The following OLFM3 variants were observed in gnomAD, a reference collection of about 807,000 sequenced individuals.
OLFM3 encodes olfactomedin 3.
A neutral mutation model predicts 48.6 loss-of-function variants in OLFM3; 20 were observed. That is an observed-to-expected ratio of 0.41 (90% CI 0.29 to 0.60). The LOEUF (loss-of-function observed/expected upper bound fraction) is 0.60. OLFM3 is among the 20% of genes least tolerant of loss of function. OLFM3 has a pLI of 0.28. For missense variants in OLFM3, 437 were observed against 544.3 expected (o/e 0.80, Z 1.96); for synonymous variants, 222 against 198.1 (o/e 1.12, Z -1.01).
chr1:101,852,160 C>G (rs566407790), intron 1 of OLFM3, among the ~76,000 whole-genome samples: 10 of 152,104 alleles, frequency 6.6e-5, no homozygotes, highest in Non-Finnish European at 1.3e-4. Context: ...AACAAACTTT[C>G]TTGATCTTAT....
At chr1:101,928,228 G>T (rs1659334331) in intron 1 of OLFM3, among the ~76,000 whole-genome samples, 1 of 152,078 alleles carries the variant, frequency 6.6e-6, no homozygotes. Context: ...CCACTGCCGT[G>T]GGAATACATG....
chr1:101,805,706 A>G (rs1383521189), intron 5 of OLFM3, among the ~76,000 whole-genome samples: 1 of 151,770 alleles, frequency 6.6e-6, no homozygotes, highest in Non-Finnish European at 1.5e-5. Flanking sequence ...CATACTAAAG[A>G]ACATATTTTA....
chr1:101,854,175 TG>T (rs1656330621), intron 1 of OLFM3, among the ~76,000 whole-genome samples: 1 of 150,214 alleles, frequency 6.7e-6, no homozygotes, highest in Non-Finnish European at 1.5e-5. Context: ...TAAAAAAAAA[TG>T]GTTTAGAGAA....
intron 1 of OLFM3, among the ~76,000 whole-genome samples, chr1:101,959,517 A>T (rs546841124): frequency 2.1e-4 from 32 of 152,148 alleles, no homozygotes; most frequent in Non-Finnish European, 3.7e-4. Context: ...GGCTTAAAAA[A>T]CATCTACAAC....
chr1:101,856,021 T>A (rs1656397185), intron 1 of OLFM3, among the ~76,000 whole-genome samples: 2 of 151,934 alleles, frequency 1.3e-5, no homozygotes, highest in Non-Finnish European at 2.9e-5. Context: ...ACCCCAAACA[T>A]CAAAGTATGA....
intron 1 of OLFM3, among the ~76,000 whole-genome samples, chr1:101,896,220 T>C (rs1473136473): frequency 6.6e-6 from 1 of 152,018 alleles, no homozygotes; most frequent in African/African-American, 2.4e-5. Context: ...GACCAGGTTG[T>C]GTTTAATAAT....
At chr1:101,937,615 T>A (rs1004103770) in intron 1 of OLFM3, among the ~76,000 whole-genome samples, 1 of 152,180 alleles carries the variant, frequency 6.6e-6, no homozygotes, top group Non-Finnish European at 1.5e-5. Flanking sequence ...TGCTCCTCCT[T>A]GCCTTCTGCC....
intron 1 of OLFM3, among the ~76,000 whole-genome samples, chr1:101,972,454 C>A (rs911290705): frequency 6.6e-6 from 1 of 152,154 alleles, no homozygotes; most frequent in Non-Finnish European, 1.5e-5. Context: ...TCTTGTCTGG[C>A]TGAAATGTCT....
In OLFM3 at chr1:101,804,793, G is replaced by A; in HGVS notation, c.822C>T (p.Asn274=). ...YNLPFKWAGT[N]HVVYNGSLYF... The stretch of plus-strand genomic sequence containing the variant: ...AGAGTGAGCCATTGTAGACAACATG[G>A]TTAGTTCCTGCCCACTTGAAAGGAA... Residue 274 remains asparagine (N), a synonymous_variant, in exon 6 of 6, where the codon AAC becomes AAT. Transcript: ENST00000370103. The surrounding 1 kb of genome is among the most constrained non-coding windows in gnomAD (Gnocchi z 4.5). 1 of 1,612,604 alleles carries A rather than the reference G, an allele frequency of 6.2e-7. No homozygotes were observed. The highest frequency in any genetic ancestry group is 1.1e-5 in the South Asian group (1 of 91,060).
chr1:101,803,852 T>C lies in OLFM3; in HGVS notation c.*386A>G, dbSNP rs1653615707. 6.5e-6 allele frequency: 1 copy of C among 154,518 alleles called. No homozygotes were observed. The highest frequency in any genetic ancestry group is 1.4e-5 in the Non-Finnish European group (1 of 69,852). 9.6% of individuals were successfully genotyped at this position (154,518 alleles called of 1,614,324 possible). On this transcript the variant is annotated 3_prime_UTR_variant, in exon 6 of 6. Coordinates refer to ENST00000370103, the MANE Select transcript of OLFM3 (RefSeq NM_058170.4). ...TCCTAATTCCTACCAAAATATTTCCTGATATGGAGCAAAAGACAGTAAAAA... is the reference window on the plus strand; with the variant it reads ...TCCTAATTCCTACCAAAATATTTCCCGATATGGAGCAAAAGACAGTAAAAA...
At chr1:101,994,340 A>G (rs1661498412) in intron 1 of OLFM3, among the ~76,000 whole-genome samples, 1 of 151,066 alleles carries the variant, frequency 6.6e-6, no homozygotes, top group Non-Finnish European at 1.5e-5. Flanking sequence ...TGTTCATTTA[A>G]GTGTTATCAC....
intron 1 of OLFM3, among the ~76,000 whole-genome samples, chr1:101,895,581 T>C (rs1183616401): frequency 6.6e-6 from 1 of 152,176 alleles, no homozygotes; most frequent in Non-Finnish European, 1.5e-5. Context: ...GAAACTTCAG[T>C]CTTCTATTTA....
chr1:101,904,753 T>C (rs776142159), intron 1 of OLFM3, among the ~76,000 whole-genome samples: 20 of 152,108 alleles, frequency 1.3e-4, no homozygotes, highest in Non-Finnish European at 1.2e-4. Flanking sequence ...ACTTTCTCCC[T>C]ATCACTGAGA....
intron 1 of OLFM3, among the ~76,000 whole-genome samples, chr1:101,947,483 A>G (rs1282006871): frequency 1.3e-5 from 2 of 152,150 alleles, no homozygotes; most frequent in East Asian, 3.8e-4. Context: ...AATTGTTTCT[A>G]GTTTACCAAG....
chr1:101,811,641 T>C (rs545848715), intron 4 of OLFM3, among the ~76,000 whole-genome samples: 11 of 152,174 alleles, frequency 7.2e-5, no homozygotes, highest in Admixed American at 6.6e-4. Context: ...AATGAGATAC[T>C]ATCTCACAGC....
chr1:101,922,647 G>A (rs1428686061), intron 1 of OLFM3, among the ~76,000 whole-genome samples: 3 of 152,042 alleles, frequency 2.0e-5, no homozygotes, highest in African/African-American at 7.2e-5. Context: ...GAAATCTCTT[G>A]TATTTGTGTT....
intron 1 of OLFM3, among the ~76,000 whole-genome samples, chr1:101,842,191 T>C (rs768599004): frequency 6.6e-6 from 1 of 152,002 alleles, no homozygotes; most frequent in Non-Finnish European, 1.5e-5. Context: ...AAAAAACAAC[T>C]ATAAAAGCAA....
intron 1 of OLFM3, among the ~76,000 whole-genome samples, chr1:101,995,385 T>G (rs948403920): frequency 2.0e-5 from 3 of 152,156 alleles, no homozygotes; most frequent in Non-Finnish European, 2.9e-5. Context: ...CACTTTTTCC[T>G]AAGTGTAAAA....
intron 1 of OLFM3, among the ~76,000 whole-genome samples, chr1:101,888,747 C>A (rs1657872163): frequency 2.0e-5 from 3 of 152,076 alleles, no homozygotes; most frequent in Admixed American, 6.6e-5. Flanking sequence ...TTGCAATCTA[C>A]CCATCTGACA....
Sources: gnomAD v4.1 joint callset for allele counts (sites outside exome capture counted in the v4.1 genomes callset) on GRCh38, gnomAD v4.1.1 for gene constraint, Gnocchi (gnomAD v3.1) non-coding constraint, MANE v1.5 for transcripts, NCBI Gene and HGNC (gene_info 2026-07-23, HGNC 2026-07-21) for gene names.